Variants in ZNF483 observed in about 807,000 individuals in gnomAD.
The protein encoded by ZNF483 is zinc finger protein HIT-10.
Under a neutral mutation model 28.6 loss-of-function variants are expected in ZNF483, and 9 were observed. The ratio of observed to expected loss-of-function variants is 0.32; its 90% CI spans 0.19 to 0.55. The LOEUF is 0.55. ZNF483 is among the 20% of genes least tolerant of loss of function. The pLI, the probability that ZNF483 is intolerant of heterozygous loss-of-function variation, is 0.93. For synonymous variants in ZNF483, 322 were observed against 306.2 expected, an observed-to-expected ratio of 1.05 and a Z score of -0.54; for missense variants, 675 against 871.7, an observed-to-expected ratio of 0.77 and a Z score of 2.84.
intron 5 of ZNF483, among the ~76,000 whole-genome samples, chr9:111,571,349 C>A (rs1291557601): frequency 1.3e-5 from 2 of 149,642 alleles, no homozygotes; most frequent in African/African-American, 4.8e-5. Context: ...AAGGGGACTG[C>A]AGTGAGCTGA....
chr9:111,575,402 T>C (rs1181133891), intron 5 of ZNF483: 1 of 152,318 alleles, frequency 6.6e-6, no homozygotes, highest in Non-Finnish European at 1.5e-5. Context: ...TGAGGTTCTC[T>C]GATCAGTCCA....
chr9:111,562,120 G>C (rs944871988), intron 5 of ZNF483, among the ~76,000 whole-genome samples: 6 of 151,926 alleles, frequency 3.9e-5, no homozygotes, highest in African/African-American at 7.3e-5. Context: ...TCCTGACCTC[G>C]CCTCCGCCTC....
At chr9:111,566,208 T>A (rs113085949) in intron 5 of ZNF483, among the ~76,000 whole-genome samples, 9,982 of 150,980 alleles carry the variant, frequency 0.066, 535 homozygotes, top group African/African-American at 0.14. Flanking sequence ...ATGTCAAAAA[T>A]AAATAAATAA....
chr9:111,543,099 A>G lies in ZNF483; in HGVS notation c.2164A>G (p.Asn722Asp). 1 of 1,614,108 alleles carries G rather than the reference A, an allele frequency of 6.2e-7. No homozygotes were observed. The highest frequency in any genetic ancestry group is 8.5e-7 in the Non-Finnish European group (1 of 1,180,002). Residue 722 changes from asparagine to aspartate, a missense_variant, in exon 6 of 6, where the codon AAC becomes GAC. This residue lies in a region of ZNF483 where 55 missense variants were observed against 72.4 expected (regional missense o/e 0.76). Coordinates refer to ENST00000309235, the MANE Select transcript of ZNF483 (RefSeq NM_133464.5). ...TACCGGAAGGAGAGAATATGAATGT[A>G]ACGAATGTGAGAAGACATTTAAAAG... is the stretch of plus-strand genomic sequence containing the variant. The part of the protein sequence containing the change: ...IHTGRREYEC[N>D]ECEKTFKSNS...
intron 5 of ZNF483, among the ~76,000 whole-genome samples, chr9:111,565,171 TAATC>T (rs1310533120): frequency 6.6e-6 from 1 of 151,732 alleles, no homozygotes; most frequent in Non-Finnish European, 1.5e-5. Context: ...AGGTGGGCCT[TAATC>T]AATATGACTG....
chr9:111,573,057 T>TA (rs1169287558), intron 5 of ZNF483, among the ~76,000 whole-genome samples: 1 of 152,160 alleles, frequency 6.6e-6, no homozygotes, highest in East Asian at 1.9e-4. Context: ...TTCCATCTGA[T>TA]TAAAATGGAA....
At chr9:111,528,670 T>G (rs1235059853) in intron 2 of ZNF483, among the ~76,000 whole-genome samples, 2 of 152,242 alleles carry the variant, frequency 1.3e-5, no homozygotes, top group African/African-American at 2.4e-5. Flanking sequence ...TGTGACAGTT[T>G]GTATTCTGGA....
At chr9:111,570,928 G>A (rs1306594140) in intron 5 of ZNF483, among the ~76,000 whole-genome samples, 2 of 152,302 alleles carry the variant, frequency 1.3e-5, no homozygotes, top group East Asian at 3.9e-4. Context: ...GATAGAAGCA[G>A]AGATGAGAGA....
chr9:111,560,968 TATATATAGAGAGAGAGAGAGAG>T lies in ZNF483; in HGVS notation c.722-15395_722-15374del, dbSNP rs1185459037. Among the ~76,000 whole-genome samples, 20 of 40,066 alleles carry T rather than the reference TATATATAGAGAGAGAGAGAGAG, an allele frequency of 5.0e-4. 2 individuals are homozygous for T. The highest frequency in any genetic ancestry group is 2.1e-3 in the South Asian group (2 of 948). 26.3% of individuals were successfully genotyped at this position (40,066 alleles called of 152,430 possible). A position where few individuals can be genotyped will look rare whatever the true frequency, so the allele number is the denominator to read the frequency against. On this transcript the variant is annotated intron_variant, in intron 5 of 5. Coordinates refer to the ZNF483 transcript ENST00000358151. ...AAATATATATATATATATATATATA[TATATATAGAGAGAGAGAGAGAG>T]AGAGAGAGAGAGAGAGAGAGAGAGA...
chr9:111,574,904 T>C, intron 5 of ZNF483: 1 of 1,310,604 alleles, frequency 7.6e-7, no homozygotes, highest in Non-Finnish European at 1.1e-6. Context: ...AGGAGAATCA[T>C]TAAGTCACAA....
At chr9:111,569,183 T>C (rs1828701970) in intron 5 of ZNF483, among the ~76,000 whole-genome samples, 1 of 152,118 alleles carries the variant, frequency 6.6e-6, no homozygotes, top group Non-Finnish European at 1.5e-5. Context: ...GAGATAGAGA[T>C]GGGAACTCCC....
At chr9:111,559,710 C>A (rs1424659125), downstream of ZNF483, among the ~76,000 whole-genome samples, 1 of 152,154 alleles carries the variant, frequency 6.6e-6, no homozygotes, top group African/African-American at 2.4e-5. Flanking sequence ...CGGTGCATGA[C>A]CTCTTTGCTC....
rs376010094 is a variant in ZNF483 at position 111,552,100 on chromosome 9, G to A, written c.*8930G>A. ...CAAATTTAGCTTGTTCATATGCAGCGTGATATTAGGGAGAAAATGTGAATC... is the reference window on the plus strand; with the variant it reads ...CAAATTTAGCTTGTTCATATGCAGCATGATATTAGGGAGAAAATGTGAATC... On this transcript the variant is annotated 3_prime_UTR_variant, in exon 6 of 6. Coordinates refer to ENST00000309235, the MANE Select transcript of ZNF483 (RefSeq NM_133464.5). 2.6e-5 allele frequency among the ~76,000 whole-genome samples: 4 copies of A among 152,134 alleles called. No individual in the cohort carries two copies. The highest frequency in any genetic ancestry group is 5.9e-5 in the Non-Finnish European group (4 of 68,026).
In ZNF483 at chr9:111,543,363, A is replaced by G. The variant is rs532355711; in HGVS notation, c.*193A>G. The G allele has an allele frequency of 3.0e-6, 4 of 1,342,870 alleles. No individual in the cohort carries two copies. Among genetic ancestry groups the G allele is most frequent in the Non-Finnish European group, 3.8e-6 (4 of 1,051,586 alleles). The allele number at this position is 1,342,870 out of a possible 1,614,324, so 83.2% of individuals were successfully genotyped here. A position where few individuals can be genotyped will look rare whatever the true frequency, so the allele number is the denominator to read the frequency against. On this transcript the variant is annotated 3_prime_UTR_variant, in exon 6 of 6. Transcript: ENST00000309235. The stretch of plus-strand genomic sequence containing the variant: ...ACTGGTAAACAGTAATTAGTTGGTA[A>G]AGTCACTGGAAAGGGAAGAATGCAA...
rs1188495943 is a variant in ZNF483 at position 111,554,691 on chromosome 9, G to A, written c.*11521G>A. On this transcript the variant is annotated 3_prime_UTR_variant, in exon 6 of 6. Transcript: ENST00000309235. ...GAGGCACGGAGCAGGATGGCAAGAGGTTTCATCAGGCTACTCAGAACATAC... is the reference window on the plus strand; with the variant it reads ...GAGGCACGGAGCAGGATGGCAAGAGATTTCATCAGGCTACTCAGAACATAC... 6.6e-6 allele frequency among the ~76,000 whole-genome samples: 1 copy of A among 152,146 alleles called. No individual in the cohort carries two copies.
rs937730745 is a variant in ZNF483, at chr9:111,543,526, C to T, written c.*356C>T. Reference sequence around the variant, plus strand: ...CTTGGATTCTGTCCCAGTTTGCCAACCAACTTGCTGTATACACCTTGGACA... The same window carrying T: ...CTTGGATTCTGTCCCAGTTTGCCAATCAACTTGCTGTATACACCTTGGACA... On this transcript the variant is annotated 3_prime_UTR_variant, in exon 6 of 6. Coordinates refer to ENST00000309235, the MANE Select transcript of ZNF483 (RefSeq NM_133464.5). The T allele has an allele frequency of 3.9e-6, 4 of 1,019,020 alleles. No homozygotes were observed. In the African/African-American group the frequency reaches 5.2e-5, roughly 13 times the overall value. 63.1% of individuals were successfully genotyped at this position (1,019,020 alleles called of 1,614,324 possible).
At position 111,548,817 on chromosome 9, in the gene ZNF483, GT is replaced by G. The variant is rs11323976; in HGVS notation, c.*5660del. 0.56 allele frequency among the ~76,000 whole-genome samples: 82,770 copies of G among 147,972 alleles called. 23,697 individuals are homozygous for G. The highest frequency in any genetic ancestry group is 0.62 in the African/African-American group (25,245 of 40,490). On this transcript the variant is annotated 3_prime_UTR_variant, in exon 6 of 6. Transcript: ENST00000309235. ...CTGTATATAGAATTCTCAGTTGACAGTTTTTTTTTTTTTCTTTCTGCATTAA... is the reference window on the plus strand; with the variant it reads ...CTGTATATAGAATTCTCAGTTGACAGTTTTTTTTTTTTCTTTCTGCATTAA...
Position 111,543,622 on chromosome 9 carries a change from C to T in ZNF483, c.*452C>T, listed in dbSNP as rs1053999712. The T allele has an allele frequency of 4.1e-6, 4 of 986,208 alleles. No individual in the cohort carries two copies. Among genetic ancestry groups the T allele is most frequent in the Non-Finnish European group, 4.8e-6 (4 of 830,690 alleles). 61.1% of individuals were successfully genotyped at this position (986,208 alleles called of 1,614,324 possible). A position where few individuals can be genotyped will look rare whatever the true frequency, so the allele number is the denominator to read the frequency against. ...AAGGGATGGGATTAATGATTTTTGCCTTTTTTGGTTTTTTAGTTTTTTATT... is the reference window on the plus strand; with the variant it reads ...AAGGGATGGGATTAATGATTTTTGCTTTTTTTGGTTTTTTAGTTTTTTATT... On this transcript the variant is annotated 3_prime_UTR_variant, in exon 6 of 6. Coordinates refer to ENST00000309235, the MANE Select transcript of ZNF483 (RefSeq NM_133464.5).
chr9:111,542,420 C>T lies in ZNF483; in HGVS notation c.1485C>T (p.Phe495=). ...HHRTHSGEKP[F]KCDDCGKGFT... ...GAACTCATAGTGGAGAGAAACCCTT[C>T]AAATGTGATGACTGTGGGAAAGGTT... The change falls in exon 6 of 6, where the codon TTC becomes TTT. Residue 495 remains phenylalanine (F), a synonymous_variant. Transcript: ENST00000309235. This position sits in a 1 kb window ranked among gnomAD's most constrained non-coding sequence, Gnocchi z 6.2. 6.2e-7 allele frequency: 1 copy of T among 1,614,066 alleles called. No individual in the cohort carries two copies. The highest frequency in any genetic ancestry group is 2.2e-5 in the East Asian group (1 of 44,866).
Sources: allele counts gnomAD v4.1 joint callset (sites outside exome capture counted in the v4.1 genomes callset), GRCh38; gene constraint gnomAD v4.1.1; regional missense constraint gnomAD v4.1.1; non-coding constraint Gnocchi (gnomAD v3.1); transcripts MANE v1.5; gene names NCBI Gene and HGNC (gene_info 2026-07-23, HGNC 2026-07-21).